The following SAP130 variants were observed in gnomAD, a reference collection of about 807,000 sequenced individuals.
SAP130 encodes the protein Sin3A associated protein 130.
In SAP130, 16 loss-of-function variants were observed where a neutral mutation model predicts 103.2. The ratio of observed to expected loss-of-function variants is 0.16; its 90% CI spans 0.10 to 0.24. SAP130 has a LOEUF of 0.24. SAP130 is among the 10% of genes least tolerant of loss of function. The probability of loss-of-function intolerance (pLI) is 1.00; values close to 1 mark genes in which losing one functional copy is unlikely to be tolerated. For synonymous variants in SAP130, 477 were observed against 497.0 expected (o/e 0.96, Z 0.53); for missense variants, 990 against 1,359.7 (o/e 0.73, Z 4.28).
intron 15 of SAP130, among the ~76,000 whole-genome samples, chr2:127,977,267 A>G (rs1681528477): frequency 6.6e-6 from 1 of 150,524 alleles, no homozygotes; most frequent in African/African-American, 2.4e-5. Flanking sequence ...AGGCACGTGG[A>G]TCAATTGAGG....
At chr2:128,027,102 C>T in intron 1 of SAP130, 1 of 1,416,238 alleles carries the variant, frequency 7.1e-7, no homozygotes, top group Non-Finnish European at 9.3e-7. Context: ...CTGTAGCCGC[C>T]GCCCGCCGCC....
intron 15 of SAP130, among the ~76,000 whole-genome samples, chr2:127,956,590 T>C (rs1679855024): frequency 6.8e-6 from 1 of 146,978 alleles, no homozygotes; most frequent in South Asian, 2.2e-4. Flanking sequence ...CATTAGGAGA[T>C]CTACCTAATG....
chr2:128,027,100 G>A, intron 1 of SAP130: 4 of 1,414,664 alleles, frequency 2.8e-6, no homozygotes, highest in Admixed American at 2.4e-5. Context: ...ACCTGTAGCC[G>A]CCGCCCGCCG....
At position 128,000,421 on chromosome 2, in the gene SAP130, A is replaced by C. The variant is rs17015864; in HGVS notation, c.903T>G (p.Ser301=). 166,060 of 1,614,058 alleles carry C rather than the reference A, an allele frequency of 0.1. 9,771 individuals are homozygous for C. Among genetic ancestry groups the C allele is most frequent in the South Asian group, 0.21 (19,120 of 91,074 alleles). ...CAGGACGCTGAATACTGATTGCTGC[A>C]GATGGAGGATGCTGGATAGACAAGG... ...RPTLSIQHPP[S]AAISIQRPAQ... Residue 301 remains serine, a synonymous_variant, in exon 8 of 21, where the codon TCT becomes TCG. Coordinates refer to ENST00000643581, the MANE Select transcript of SAP130 (RefSeq NM_001330301.2).
In SAP130 at chr2:128,000,316, T is replaced by C. The variant is rs1218574031; in HGVS notation, c.1008A>G (p.Thr336=). Residue 336 remains threonine, a synonymous_variant, in exon 8 of 21, where the codon ACA becomes ACG. Transcript: ENST00000643581. The part of the protein sequence containing the change: ...ALGTPKQQLH[T]MAQKTIFSTG... The stretch of plus-strand genomic sequence containing the variant: ...CCACTTTTGGTTTTACCTGAGCCAT[T>C]GTATGAAGCTGCTGTTTTGGCGTCC... 6 of 1,614,098 alleles carry C rather than the reference T, an allele frequency of 3.7e-6. No homozygotes were observed. In the Admixed American group the frequency reaches 5.0e-5, roughly 13 times the overall value.
intron 15 of SAP130, among the ~76,000 whole-genome samples, chr2:127,974,987 C>G (rs541086584): frequency 6.6e-6 from 1 of 152,264 alleles, no homozygotes; most frequent in African/African-American, 2.4e-5. Flanking sequence ...TAGGTTTGTA[C>G]AAGGACACTC....
intron 6 of SAP130, 23 bp downstream of exon 6, chr2:128,013,007 A>C: frequency 6.3e-7 from 1 of 1,594,504 alleles, no homozygotes; most frequent in Non-Finnish European, 8.5e-7. Context: ...GAGGCCCTTA[A>C]TGCACCCCAG....
Position 127,986,987 on chromosome 2 carries a change from G to T in SAP130, c.1781-25C>A, listed in dbSNP as rs775476794. 1.3e-6 allele frequency: 2 copies of T among 1,591,472 alleles called. No homozygotes were observed. Among genetic ancestry groups the T allele is most frequent in the Non-Finnish European group, 8.6e-7 (1 of 1,163,032 alleles). On this transcript the variant is annotated intron_variant, in intron 13 of 20. Coordinates refer to ENST00000643581, the MANE Select transcript of SAP130 (RefSeq NM_001330301.2). The surrounding 1 kb of genome is among the most constrained non-coding windows in gnomAD (Gnocchi z 4.7). Reference sequence around the variant, plus strand: ...GCTACAGGAGAGAGGCAACAGGAAAGAACATTGAAGAGAGGGAAACAAAAT... The same window carrying T: ...GCTACAGGAGAGAGGCAACAGGAAATAACATTGAAGAGAGGGAAACAAAAT...
chr2:127,972,749 TTCTG>T (rs1292409082), intron 15 of SAP130, among the ~76,000 whole-genome samples: 1 of 151,128 alleles, frequency 6.6e-6, no homozygotes, highest in African/African-American at 2.4e-5. Flanking sequence ...CAGAGTGAGA[TTCTG>T]TCTAAAAAAA....
intron 15 of SAP130, among the ~76,000 whole-genome samples, chr2:127,969,572 T>G (rs1217709804): frequency 2.6e-5 from 4 of 152,194 alleles, no homozygotes; most frequent in Non-Finnish European, 5.9e-5. Context: ...CTGTGTGGCT[T>G]AAACAGAAGT....
intron 16 of SAP130, among the ~76,000 whole-genome samples, chr2:127,950,629 T>G (rs1460998168): frequency 3.9e-5 from 6 of 152,206 alleles, no homozygotes; most frequent in Non-Finnish European, 7.4e-5. Flanking sequence ...GGACGTCCTT[T>G]GACAAGGACA....
Position 127,955,416 on chromosome 2 carries a change from T to C in SAP130, c.2064-72A>G. Reference sequence around the variant, plus strand: ...CCTTCATCTACAACATCTCAGAGGATGAGTATTTGTCCAATTATTTCTGTC... The same window carrying C: ...CCTTCATCTACAACATCTCAGAGGACGAGTATTTGTCCAATTATTTCTGTC... On this transcript the variant is annotated intron_variant, in intron 15 of 20. Coordinates refer to ENST00000643581, the MANE Select transcript of SAP130 (RefSeq NM_001330301.2). The surrounding 1 kb of genome is among the most constrained non-coding windows in gnomAD (Gnocchi z 4.9). 1.1e-6 allele frequency: 1 copy of C among 926,200 alleles called. No homozygotes were observed. The allele number at this position is 926,200 out of a possible 1,614,324, so 57.4% of individuals were successfully genotyped here. A position where few individuals can be genotyped will look rare whatever the true frequency, so the allele number is the denominator to read the frequency against.
At chr2:128,010,159 A>C (rs76742409) in intron 7 of SAP130, 110 bp downstream of exon 7, 35 of 432,420 alleles carry the variant, frequency 8.1e-5, no homozygotes, top group South Asian at 1.9e-4. Context: ...AGCTCATTAT[A>C]AAAAAAAAAA....
chr2:127,954,413 T>C (rs1039974865), intron 16 of SAP130, among the ~76,000 whole-genome samples: 1 of 151,952 alleles, frequency 6.6e-6, no homozygotes, highest in African/African-American at 2.4e-5. Flanking sequence ...ATGTTACTTT[T>C]GTAGGAAAAA....
intron 18 of SAP130, among the ~76,000 whole-genome samples, chr2:127,947,176 G>T (rs1277379596): frequency 6.6e-6 from 1 of 151,882 alleles, no homozygotes; most frequent in Non-Finnish European, 1.5e-5. Context: ...AGACAAGGAA[G>T]GATTCTCCTC....
At chr2:127,946,829 A>G (rs1237381845) in intron 18 of SAP130, among the ~76,000 whole-genome samples, 1 of 151,248 alleles carries the variant, frequency 6.6e-6, no homozygotes, top group Non-Finnish European at 1.5e-5. Flanking sequence ...GGTTGCAGTG[A>G]GCTAAGATCG....
Position 127,989,645 on chromosome 2 carries a change from A to C in SAP130, c.1699T>G (p.Ser567Ala). The change falls in exon 13 of 21, where the codon TCA becomes GCA. Residue 567 changes from serine (S) to alanine (A), a missense_variant. Ser to Ala is a moderately conservative substitution (Grantham distance 99). Transcript: ENST00000643581. The surrounding 1 kb of genome is among the most constrained non-coding windows in gnomAD (Gnocchi z 4.6). ...PAPLGTQGIHSATPINTQGLQ... is the reference protein window; with the variant it reads ...PAPLGTQGIHAATPINTQGLQ... ...CCTTGTGTGTTGATTGGGGTTGCTG[A>C]GTGAATTCCCTGTGTGCCAAGTGGT... The C allele has an allele frequency of 6.2e-7, 1 of 1,614,110 alleles. No homozygotes were observed. The highest frequency in any genetic ancestry group is 8.5e-7 in the Non-Finnish European group (1 of 1,180,020).
chr2:127,942,128 T>G lies in SAP130; in HGVS notation c.3052A>C (p.Ile1018Leu). ...AGCATGGAGTCTCTGGCTTCACTGA[T>G]TTGATCCATCACAAGTTTACACCTC... ...MQRCKLVMDQ[I>L]SEARDSMLKV... The change falls in exon 21 of 21, where the codon ATC becomes CTC. Residue 1018 changes from isoleucine (I) to leucine (L), a missense_variant. Around this residue, in one of 6 missense-constraint regions of SAP130, gnomAD observed 69 missense variants for 165.7 expected, o/e 0.42. Transcript: ENST00000643581. The surrounding 1 kb of genome is among the most constrained non-coding windows in gnomAD (Gnocchi z 4.8). 6.2e-7 allele frequency: 1 copy of G among 1,602,188 alleles called. No homozygotes were observed. Among genetic ancestry groups the G allele is most frequent in the East Asian group, 2.2e-5 (1 of 44,846 alleles).
intron 14 of SAP130, among the ~76,000 whole-genome samples, chr2:127,984,276 T>C (rs1230519844): frequency 6.6e-6 from 1 of 152,248 alleles, no homozygotes; most frequent in Non-Finnish European, 1.5e-5. Context: ...TTTGTCTTTC[T>C]GAAGGCATCA....
Sources: allele counts gnomAD v4.1 joint callset (sites outside exome capture counted in the v4.1 genomes callset), GRCh38; gene constraint gnomAD v4.1.1; regional missense constraint gnomAD v4.1.1; non-coding constraint Gnocchi (gnomAD v3.1); transcripts MANE v1.5; gene names NCBI Gene and HGNC (gene_info 2026-07-23, HGNC 2026-07-21).